The following ITGA7 variants were observed in gnomAD, a reference collection of about 807,000 sequenced individuals.
The protein encoded by ITGA7 is integrin alpha-7.
In ITGA7, 84 loss-of-function variants were observed where a neutral mutation model predicts 131.6. The ratio of observed to expected loss-of-function variants is 0.64; its 90% CI spans 0.54 to 0.77. The LOEUF (loss-of-function observed/expected upper bound fraction) is 0.77, where lower values mean the gene tolerates loss of function less well. ITGA7 is among the 30% of genes least tolerant of loss of function. The probability of loss-of-function intolerance (pLI) is 0.00; values close to 1 mark genes in which losing one functional copy is unlikely to be tolerated. For missense variants in ITGA7, 1,399 were observed against 1,482.9 expected (o/e 0.94, Z 0.93); for synonymous variants, 548 against 600.7 (o/e 0.91, Z 1.28).
chr12:55,698,355 C>T, intron 7 of ITGA7, 28 bp downstream of exon 7: 6 of 1,583,258 alleles, frequency 3.8e-6, no homozygotes, highest in Non-Finnish European at 5.2e-6. Flanking sequence ...CCCCTCCCTC[C>T]CTGAGCCTTT....
rs369566439 is a variant in ITGA7 at position 55,694,472 on chromosome 12, C to T, written c.2328G>A (p.Thr776=). ...LSTSGISIET[T]ELEVELLLAT... ...CCAACAGCAGCTCTACCTCCAGTTCCGTGGTCTCAATGCTGATCCCGGAGG... is the reference window on the plus strand; with the variant it reads ...CCAACAGCAGCTCTACCTCCAGTTCTGTGGTCTCAATGCTGATCCCGGAGG... Residue 776 remains threonine (T), a synonymous_variant, in exon 17 of 25, where the codon ACG becomes ACA. Coordinates refer to ENST00000257879, the MANE Select transcript of ITGA7 (RefSeq NM_002206.3). The surrounding 1 kb of genome is among the most constrained non-coding windows in gnomAD (Gnocchi z 5.3). 21 of 1,614,200 alleles carry T rather than the reference C, an allele frequency of 1.3e-5. 1 individual carries two copies. Among genetic ancestry groups the T allele is most frequent in the South Asian group, 7.7e-5 (7 of 91,078 alleles).
At chr12:55,695,386 A>T in intron 14 of ITGA7, 136 bp downstream of exon 14, 1 of 687,768 alleles carries the variant, frequency 1.5e-6, no homozygotes, top group Non-Finnish European at 2.6e-6. Context: ...CTCCAAGTCC[A>T]TCGGCAGGTC....
upstream of ITGA7, among the ~76,000 whole-genome samples, chr12:55,713,658 A>G (rs1376847247): frequency 1.3e-5 from 2 of 152,248 alleles, no homozygotes; most frequent in African/African-American, 4.8e-5. Flanking sequence ...TTTAGAAAGA[A>G]GATACAGTAC....
chr12:55,711,207 T>C (rs1876079245), upstream of ITGA7, among the ~76,000 whole-genome samples: 1 of 152,130 alleles, frequency 6.6e-6, no homozygotes, highest in African/African-American at 2.4e-5. Context: ...CAAAATAATT[T>C]CCAAGCCAGA....
upstream of ITGA7, chr12:55,716,025 C>G: frequency 6.5e-7 from 1 of 1,533,842 alleles, no homozygotes; most frequent in Non-Finnish European, 8.8e-7. Context: ...CGGTTCCCAA[C>G]CTCACGTGAC....
At chr12:55,700,774 G>C in intron 4 of ITGA7, 125 bp downstream of exon 4, 1 of 1,245,992 alleles carries the variant, frequency 8.0e-7, no homozygotes. Flanking sequence ...GGAAGGCATG[G>C]CAGTGCCCTG....
chr12:55,706,803 T>C (rs1274642866), intron 1 of ITGA7, among the ~76,000 whole-genome samples: 1 of 152,168 alleles, frequency 6.6e-6, no homozygotes, highest in East Asian at 1.9e-4. Context: ...TTCCTGGATC[T>C]CTCTCACTGC....
upstream of ITGA7, among the ~76,000 whole-genome samples, chr12:55,709,391 T>A (rs1875825086): frequency 6.6e-6 from 1 of 152,222 alleles, no homozygotes; most frequent in Non-Finnish European, 1.5e-5. Flanking sequence ...TCTGCTGCCC[T>A]GGGACAGTCT....
intron 4 of ITGA7, chr12:55,700,360 G>A (rs944712239): frequency 5.0e-6 from 8 of 1,610,286 alleles, no homozygotes; most frequent in African/African-American, 1.3e-5. Flanking sequence ...CAGGTCCGCT[G>A]AGCCCTGTGC....
chr12:55,699,780 AG>A, intron 5 of ITGA7, 89 bp downstream of exon 5: 1 of 1,460,632 alleles, frequency 6.8e-7, no homozygotes, highest in South Asian at 1.2e-5. Context: ...GGGGAGGAGG[AG>A]ATTATAAGGC....
At chr12:55,698,657 T>G (rs1037151742) in intron 6 of ITGA7, 53 bp downstream of exon 6, 1 of 1,612,186 alleles carries the variant, frequency 6.2e-7, no homozygotes, top group African/African-American at 1.3e-5. Flanking sequence ...TCAGCCAGAC[T>G]GGGGCTACTA....
In ITGA7 at chr12:55,707,595, G is replaced by A. The variant is rs766789927; in HGVS notation, c.88C>T (p.Arg30Trp). ...GSLLVELLFS[R>W]AVAFNLDVMG... ...ACGTCCAGATTGAAGGCGACAGCCC[G>A]TGAGAAGAGCAGTTCGACGAGCAGG... The change falls in exon 1 of 25, where the codon CGG (arginine) becomes TGG (tryptophan). Residue 30 changes from arginine to tryptophan, a missense_variant. By Grantham distance (101) the Arg-to-Trp change is moderately radical (BLOSUM62 -3). Coordinates refer to ENST00000257879, the MANE Select transcript of ITGA7 (RefSeq NM_002206.3). 6.2e-7 allele frequency: 1 copy of A among 1,613,554 alleles called. No individual in the cohort carries two copies. The highest frequency in any genetic ancestry group is 8.5e-7 in the Non-Finnish European group (1 of 1,179,740).
Position 55,694,805 on chromosome 12 carries a change from G to A in ITGA7, c.2169C>T (p.Tyr723=), listed in dbSNP as rs779735363. 2.5e-6 allele frequency: 4 copies of A among 1,613,874 alleles called. No individual in the cohort carries two copies. The Admixed American group carries it at 5.0e-5, about 20-fold the overall frequency. The change falls in exon 15 of 25, where the codon TAC becomes TAT. Residue 723 remains tyrosine, a synonymous_variant. Transcript: ENST00000257879. The surrounding 1 kb of genome is among the most constrained non-coding windows in gnomAD (Gnocchi z 5.3). ...CAGGGTCCAGGGCCCGGACCCCTGA[G>A]TAGTGCAGTGAGTCAGGAAGCATGA... ...LLVMLPDSLH[Y]SGVRALDPAE...
intron 4 of ITGA7, chr12:55,700,532 T>C: frequency 9.8e-7 from 1 of 1,021,360 alleles, no homozygotes; most frequent in Non-Finnish European, 1.4e-6. Context: ...AACCCAGGCT[T>C]CCTGGGGTCC....
Position 55,701,082 on chromosome 12 carries a change from A to T in ITGA7, c.487T>A (p.Cys163Ser), listed in dbSNP as rs757442530. Residue 163 changes from cysteine to serine, a missense_variant, in exon 4 of 25, where the codon TGC becomes AGC. Physicochemically the swap from Cys to Ser is moderately radical, Grantham distance 112 (BLOSUM62 -1). Coordinates refer to ENST00000257879, the MANE Select transcript of ITGA7 (RefSeq NM_002206.3). Reference sequence around the variant, plus strand: ...GCCAGGTCCTGGCTGAGCACAAAGCAGCGACCAATCATATCCCGCGTCTCC... The same window carrying T: ...GCCAGGTCCTGGCTGAGCACAAAGCTGCGACCAATCATATCCCGCGTCTCC... ...ILETRDMIGR[C>S]FVLSQDLAIR... 6.2e-7 allele frequency: 1 copy of T among 1,614,112 alleles called. No individual in the cohort carries two copies. Among genetic ancestry groups the T allele is most frequent in the Non-Finnish European group, 8.5e-7 (1 of 1,180,050 alleles).
upstream of ITGA7, chr12:55,712,219 A>G: frequency 6.4e-7 from 1 of 1,551,528 alleles, no homozygotes; most frequent in South Asian, 1.2e-5. Context: ...ATCCAAAAGA[A>G]ACCCTTAACA....
Position 55,703,089 on chromosome 12 carries a change from T to A in ITGA7, c.296A>T (p.Glu99Val). ...GTCCACTCTGTAGCAGTCAGTCTCC[T>A]CCAGGCTCAACGGGCAAGCGAAGAG... ...GGLFACPLSL[E>V]ETDCYRVDID... is the part of the protein sequence containing the mutation. Residue 99 changes from glutamate to valine, a missense_variant, in exon 2 of 25, where the codon GAG becomes GTG. Physicochemically the swap from Glu to Val is moderately radical, Grantham distance 121 (BLOSUM62 -2). Transcript: ENST00000257879. 1 of 1,614,070 alleles carries A rather than the reference T, an allele frequency of 6.2e-7. No homozygotes were observed. The highest frequency in any genetic ancestry group is 8.5e-7 in the Non-Finnish European group (1 of 1,180,030).
chr12:55,715,033 G>A (rs1454650546), upstream of ITGA7, among the ~76,000 whole-genome samples: 2 of 151,910 alleles, frequency 1.3e-5, no homozygotes, highest in Admixed American at 1.3e-4. Context: ...GCTAAATTTT[G>A]TATTTTTAGT....
At position 55,696,379 on chromosome 12, in the gene ITGA7, G is replaced by C. The variant is rs1436850218; in HGVS notation, c.1791C>G (p.Leu597=). The change falls in exon 13 of 25, where the codon CTC becomes CTG. Residue 597 remains leucine (L), a synonymous_variant. Coordinates refer to ENST00000257879, the MANE Select transcript of ITGA7 (RefSeq NM_002206.3). ...CCTGTCGCCGGAGCCGAGGGGTCTG[G>C]AGACTGTAGGACAAGGTCACTACAA... ...RAIVVTLSYS[L]QTPRLRRQAP... 6.3e-7 allele frequency: 1 copy of C among 1,598,072 alleles called. No homozygotes were observed. The highest frequency in any genetic ancestry group is 1.7e-5 in the Admixed American group (1 of 58,218).
Sources: allele counts gnomAD v4.1 joint callset (sites outside exome capture counted in the v4.1 genomes callset), GRCh38; gene constraint gnomAD v4.1.1; non-coding constraint Gnocchi (gnomAD v3.1); transcripts MANE v1.5; gene names NCBI Gene and HGNC (gene_info 2026-07-23, HGNC 2026-07-21).